NRP2: variants seen among roughly 807,000 people sequenced by gnomAD.
NRP2 encodes the protein neuropilin 2.
A neutral mutation model predicts 110.4 loss-of-function variants in NRP2; 52 were observed. The observed-to-expected ratio is 0.47, with a 90% confidence interval of 0.38 to 0.59. The LOEUF (loss-of-function observed/expected upper bound fraction) is 0.59, where lower values mean the gene tolerates loss of function less well. NRP2 is among the 20% of genes least tolerant of loss of function. The pLI is 0.00. For synonymous variants in NRP2, 508 were observed against 468.9 expected (o/e 1.08, Z -1.08); for missense variants, 1,049 against 1,203.0 (o/e 0.87, Z 1.89).
chr2:205,785,844 A>G (rs909523734), intron 15 of NRP2, among the ~76,000 whole-genome samples: 1 of 152,258 alleles, frequency 6.6e-6, no homozygotes, highest in African/African-American at 2.4e-5. Flanking sequence ...TAAAAATAAT[A>G]GAAACGAATG....
intron 11 of NRP2, 142 bp from the exon 12 acceptor site, chr2:205,752,693 G>T: frequency 1.2e-6 from 1 of 864,832 alleles, no homozygotes. Flanking sequence ...TCGCCAAGAT[G>T]AGTTAAATGA....
chr2:205,753,762 G>C (rs544144186), intron 12 of NRP2, among the ~76,000 whole-genome samples: 11 of 152,180 alleles, frequency 7.2e-5, no homozygotes, highest in Admixed American at 2.0e-4. Flanking sequence ...ACTTTCAGTG[G>C]TGTAAATACC....
intron 2 of NRP2, among the ~76,000 whole-genome samples, chr2:205,702,681 A>G (rs560825022): frequency 9.8e-5 from 15 of 152,356 alleles, no homozygotes; most frequent in African/African-American, 3.1e-4. Flanking sequence ...TAACCTGATC[A>G]TAGTAAACAG....
At chr2:205,791,275 T>C (rs2105974682) in intron 15 of NRP2, among the ~76,000 whole-genome samples, 1 of 152,382 alleles carries the variant, frequency 6.6e-6, no homozygotes, top group Non-Finnish European at 1.5e-5. Context: ...AGATTGTTTA[T>C]CTGACTTGGT....
At chr2:205,730,217 G>A (rs889470884) in intron 7 of NRP2, among the ~76,000 whole-genome samples, 1 of 152,240 alleles carries the variant, frequency 6.6e-6, no homozygotes, top group African/African-American at 2.4e-5. Flanking sequence ...CTTTCGTTCA[G>A]ATATCTGTAT....
chr2:205,724,011 G>A (rs1559328305), intron 5 of NRP2, 71 bp downstream of exon 5: 3 of 1,564,444 alleles, frequency 1.9e-6, no homozygotes, highest in Non-Finnish European at 2.6e-6. Context: ...GGTGAAGGGG[G>A]GCTGAGCTCT....
At chr2:205,775,140 A>G (rs1029468853) in intron 15 of NRP2, among the ~76,000 whole-genome samples, 2 of 152,200 alleles carry the variant, frequency 1.3e-5, no homozygotes, top group Non-Finnish European at 2.9e-5. Flanking sequence ...GGCATTTTTC[A>G]TAGGAGAAGC....
At chr2:205,784,755 C>T (rs2058217508) in intron 15 of NRP2, among the ~76,000 whole-genome samples, 2 of 152,198 alleles carry the variant, frequency 1.3e-5, no homozygotes, top group Admixed American at 1.3e-4. Flanking sequence ...TGCACCTTCC[C>T]CTTCTCTTGC....
intron 1 of NRP2, among the ~76,000 whole-genome samples, chr2:205,691,880 G>A (rs1448877335): frequency 6.6e-6 from 1 of 152,142 alleles, no homozygotes; most frequent in Non-Finnish European, 1.5e-5. Context: ...GGCATGATTC[G>A]AGGTCAGGAG....
intron 8 of NRP2, 65 bp from the exon 9 acceptor site, chr2:205,743,138 A>G (rs575067877): frequency 6.2e-7 from 1 of 1,600,524 alleles, no homozygotes; most frequent in East Asian, 2.2e-5. Flanking sequence ...CCCTTCTTAT[A>G]GCGGGTGGTC....
chr2:205,769,494 A>G (rs932355407), intron 15 of NRP2, among the ~76,000 whole-genome samples: 1 of 119,716 alleles, frequency 8.4e-6, no homozygotes, highest in African/African-American at 3.4e-5. Context: ...GTGTGTGTGT[A>G]TATACATACA....
chr2:205,767,139 CTG>C (rs1428109277), intron 15 of NRP2: 2 of 371,950 alleles, frequency 5.4e-6, no homozygotes, highest in African/African-American at 2.2e-5. Context: ...TGTGGGAAGA[CTG>C]AACCAAAAAA....
intron 15 of NRP2, among the ~76,000 whole-genome samples, chr2:205,780,094 C>G (rs2058157058): frequency 6.6e-6 from 1 of 152,216 alleles, no homozygotes; most frequent in South Asian, 2.1e-4. Flanking sequence ...CTGTACCCAG[C>G]TCTGCAGAGA....
chr2:205,792,391 A>G (rs2058311437), intron 16 of NRP2, 106 bp downstream of exon 16: 7 of 793,466 alleles, frequency 8.8e-6, no homozygotes, highest in South Asian at 2.8e-5. Context: ...ATCTAGAACT[A>G]TCAGTCAGAA....
chr2:205,764,072 A>G lies in NRP2; in HGVS notation c.2307+136A>G. ...CACGTTGCCATGGCAACTGAATGAC[A>G]CTCTTATTTGTTATTCAGAATATGC... On this transcript the variant is annotated intron_variant, in intron 13 of 16. Coordinates refer to ENST00000357785, the MANE Select transcript of NRP2 (RefSeq NM_003872.3). The G allele has an allele frequency of 3.6e-6, 4 of 1,121,254 alleles. No individual in the cohort carries two copies. In the South Asian group the frequency reaches 4.6e-5, roughly 13 times the overall value. The allele number at this position is 1,121,254 out of a possible 1,614,324, so 69.5% of individuals were successfully genotyped here. A position where few individuals can be genotyped will look rare whatever the true frequency, so the allele number is the denominator to read the frequency against.
In NRP2 at chr2:205,697,959, C is replaced by T. The variant is rs576960952; in HGVS notation, c.251+238C>T. ...TGAGTGAAAAGTAGAGAATATTAAC[C>T]TACCTCCAAAGGCCGGTAGTGGAGG... On this transcript the variant is annotated intron_variant, in intron 2 of 16. Coordinates refer to ENST00000357785, the MANE Select transcript of NRP2 (RefSeq NM_003872.3). 8 of 567,928 alleles carry T rather than the reference C, an allele frequency of 1.4e-5. 1 individual carries two copies. The South Asian group carries it at 1.6e-4, about 11-fold the overall frequency. 35.2% of individuals were successfully genotyped at this position (567,928 alleles called of 1,614,324 possible).
intron 1 of NRP2, among the ~76,000 whole-genome samples, chr2:205,684,264 C>A (rs545179463): frequency 6.6e-6 from 1 of 152,280 alleles, no homozygotes; most frequent in Non-Finnish European, 1.5e-5. Flanking sequence ...GGGGTTTGTG[C>A]TTCCTTCTCG....
At chr2:205,772,022 C>G (rs2058030533) in intron 15 of NRP2, among the ~76,000 whole-genome samples, 1 of 152,244 alleles carries the variant, frequency 6.6e-6, no homozygotes, top group African/African-American at 2.4e-5. Flanking sequence ...AGCCGTGACT[C>G]TGACACTTGC....
chr2:205,714,146 A>G (rs2056849477), intron 2 of NRP2, among the ~76,000 whole-genome samples: 1 of 152,176 alleles, frequency 6.6e-6, no homozygotes. Context: ...CACTTTAGAT[A>G]GATTAGATTT....
Sources: gnomAD v4.1 joint callset for allele counts (sites outside exome capture counted in the v4.1 genomes callset) on GRCh38, gnomAD v4.1.1 for gene constraint, MANE v1.5 for transcripts, NCBI Gene and HGNC (gene_info 2026-07-23, HGNC 2026-07-21) for gene names.